Variants in PRIMPOL observed in about 807,000 individuals in gnomAD.
PRIMPOL encodes the protein primase and DNA directed polymerase.
PRIMPOL carries 54 observed loss-of-function variants against 63.6 expected under a neutral mutation model. The observed-to-expected ratio is 0.85, with a 90% CI of 0.68 to 1.07. The LOEUF (loss-of-function observed/expected upper bound fraction) is 1.07, where lower values mean the gene tolerates loss of function less well. Ranked by LOEUF, PRIMPOL falls within the 50% of genes least tolerant of loss-of-function variation. The pLI, the probability that PRIMPOL is intolerant of heterozygous loss-of-function variation, is 0.00. For synonymous variants in PRIMPOL, 197 were observed against 220.2 expected (o/e 0.89, Z 0.93); for missense variants, 610 against 648.3 (o/e 0.94, Z 0.64).
intron 5 of PRIMPOL, 78 bp downstream of exon 5, chr4:184,661,981 T>G: frequency 1.5e-6 from 2 of 1,326,582 alleles, no homozygotes; most frequent in South Asian, 2.8e-5. Flanking sequence ...TCAGCCTACA[T>G]AATAGTAGGT....
chr4:184,690,438 G>T (rs11132254), intron 11 of PRIMPOL, among the ~76,000 whole-genome samples: 53,966 of 151,748 alleles, frequency 0.36, 10,109 homozygotes, highest in East Asian at 0.7. Context: ...CTTTATGACT[G>T]CCTGCCTTTT....
At chr4:184,657,886 C>G (rs1198119304) in intron 3 of PRIMPOL, among the ~76,000 whole-genome samples, 2 of 152,006 alleles carry the variant, frequency 1.3e-5, no homozygotes, top group African/African-American at 4.8e-5. Context: ...CCAGCTACTC[C>G]CAAGGCTGAG....
intron 6 of PRIMPOL, among the ~76,000 whole-genome samples, chr4:184,670,572 A>G (rs1038973534): frequency 6.8e-6 from 1 of 147,492 alleles, no homozygotes; most frequent in African/African-American, 2.5e-5. Flanking sequence ...TTGTGAGACA[A>G]GAGTCTCACT....
Position 184,679,673 on chromosome 4 carries a change from A to G in PRIMPOL, c.1007+1279A>G, listed in dbSNP as rs542514280. On this transcript the variant is annotated intron_variant, in intron 8 of 13. Coordinates refer to ENST00000314970, the MANE Select transcript of PRIMPOL (RefSeq NM_152683.4). ...TGTGGTGGGAACTGGACCCCACAGC[A>G]GGAGGTGAGCAGTAGGCGAGCGAGC... Among the ~76,000 whole-genome samples, 805 of 152,284 alleles carry G rather than the reference A, an allele frequency of 5.3e-3. 7 individuals carry two copies. The highest frequency in any genetic ancestry group is 5.4e-3 in the Non-Finnish European group (365 of 68,006).
At position 184,659,410 on chromosome 4, in the gene PRIMPOL, C is replaced by A. The variant is rs780098430; in HGVS notation, c.251C>A (p.Ala84Asp). ...GQRIYLVTTYAEFWFYYKSRK... is the reference protein window; with the variant it reads ...GQRIYLVTTYDEFWFYYKSRK... ...CGTATTTACCTTGTGACAACCTATG[C>A]TGAATTTTGGTTTTACTATAAATCC... is the stretch of plus-strand genomic sequence containing the variant. The change falls in exon 4 of 14, where the codon GCT becomes GAT. Residue 84 changes from alanine to aspartate, a missense_variant. Ala to Asp is a moderately radical substitution (Grantham distance 126). Around this residue, in one of 3 missense-constraint regions of PRIMPOL, gnomAD observed 159 missense variants for 168.9 expected, o/e 0.94. Coordinates refer to ENST00000314970, the MANE Select transcript of PRIMPOL (RefSeq NM_152683.4). The A allele has an allele frequency of 2.5e-6, 4 of 1,613,458 alleles. No homozygotes were observed. In the South Asian group the frequency reaches 4.4e-5, roughly 18 times the overall value.
intron 8 of PRIMPOL, among the ~76,000 whole-genome samples, chr4:184,679,444 A>T (rs1755008627): frequency 6.6e-6 from 1 of 152,232 alleles, no homozygotes; most frequent in Non-Finnish European, 1.5e-5. Context: ...TGACAGGGTG[A>T]GACCCCATTG....
intron 11 of PRIMPOL, among the ~76,000 whole-genome samples, chr4:184,690,864 T>G (rs1758335584): frequency 6.6e-6 from 1 of 152,234 alleles, no homozygotes; most frequent in Non-Finnish European, 1.5e-5. Flanking sequence ...ATTTCCACTA[T>G]TTTTCCTTGA....
At chr4:184,678,620 C>T (rs539758872) in intron 8 of PRIMPOL, among the ~76,000 whole-genome samples, 6 of 151,344 alleles carry the variant, frequency 4.0e-5, no homozygotes, top group South Asian at 2.1e-4. Flanking sequence ...CTCTGCCTCC[C>T]GGGTTCATGC....
At chr4:184,694,386 CA>C in intron 13 of PRIMPOL, 135 bp from the exon 14 acceptor site, 1 of 1,418,968 alleles carries the variant, frequency 7.0e-7, no homozygotes, top group African/African-American at 1.4e-5. Flanking sequence ...ATATCGGAGA[CA>C]GCATTCCTCC....
intron 6 of PRIMPOL, among the ~76,000 whole-genome samples, chr4:184,671,855 A>G (rs111667591): frequency 0.13 from 19,185 of 144,658 alleles, 1,305 homozygotes; most frequent in Middle Eastern, 0.19. Flanking sequence ...CCATTCGCCC[A>G]CCTCAGCCTC....
Position 184,691,692 on chromosome 4 carries a change from C to T in PRIMPOL, c.1405C>T (p.Leu469Phe), listed in dbSNP as rs1482345099. 1 of 1,612,168 alleles carries T rather than the reference C, an allele frequency of 6.2e-7. No homozygotes were observed. Among genetic ancestry groups the T allele is most frequent in the Admixed American group, 1.7e-5 (1 of 59,984 alleles). ...DCFPLPAEVCLLFLFKEEEEF... is the reference protein window; with the variant it reads ...DCFPLPAEVCFLFLFKEEEEF... ...TTTCCCATTACCTGCTGAAGTATGT[C>T]TCCTGTTTCTTTTCAAAGAGGTAAG... Residue 469 changes from leucine (L) to phenylalanine (F), a missense_variant, in exon 13 of 14, where the codon CTC becomes TTC. By Grantham distance (22) the Leu-to-Phe change is conservative. This residue lies in a region of PRIMPOL where 444 missense variants were observed against 456.4 expected (regional missense o/e 0.97). Coordinates refer to ENST00000314970, the MANE Select transcript of PRIMPOL (RefSeq NM_152683.4).
At chr4:184,665,799 C>T in intron 5 of PRIMPOL, 118 bp from the exon 6 acceptor site, 1 of 625,752 alleles carries the variant, frequency 1.6e-6, no homozygotes, top group Non-Finnish European at 2.5e-6. Flanking sequence ...GCCACCACGC[C>T]TGATCAGAAA....
Position 184,657,220 on chromosome 4 carries a change from T to C in PRIMPOL, c.80T>C (p.Val27Ala). 2 of 1,613,906 alleles carry C rather than the reference T, an allele frequency of 1.2e-6. No individual in the cohort carries two copies. The highest frequency in any genetic ancestry group is 1.7e-6 in the Non-Finnish European group (2 of 1,179,900). ...TATGAGAGGAAACCGTTGTCCTCAG[T>C]GTATAGACCAAGATTGTCCAAGCCA... The part of the protein sequence containing the change: ...SHYERKPLSS[V>A]YRPRLSKPEE... Residue 27 changes from valine to alanine, a missense_variant, in exon 3 of 14, where the codon GTG becomes GCG. Physicochemically the swap from Val to Ala is moderately conservative, Grantham distance 64. This residue lies in a region of PRIMPOL where 159 missense variants were observed against 168.9 expected (regional missense o/e 0.94). Coordinates refer to ENST00000314970, the MANE Select transcript of PRIMPOL (RefSeq NM_152683.4).
At chr4:184,664,531 T>C (rs553664616) in intron 5 of PRIMPOL, among the ~76,000 whole-genome samples, 3 of 152,356 alleles carry the variant, frequency 2.0e-5, no homozygotes, top group African/African-American at 7.2e-5. Context: ...TGTTGCCTTC[T>C]TCCATTGTCC....
At chr4:184,665,754 C>T (rs1749703847) in intron 5 of PRIMPOL, among the ~76,000 whole-genome samples, 163 bp from the exon 6 acceptor site, 1 of 152,022 alleles carries the variant, frequency 6.6e-6, no homozygotes, top group South Asian at 2.1e-4. Context: ...ATCTGCCCGC[C>T]TTGGCCTCCC....
chr4:184,669,828 A>G (rs72689265), intron 6 of PRIMPOL, among the ~76,000 whole-genome samples: 19,860 of 152,162 alleles, frequency 0.13, 1,396 homozygotes, highest in Middle Eastern at 0.17. Context: ...CCTTTCCCCT[A>G]GAATTAGGAG....
chr4:184,665,443 C>T (rs1262503375), intron 5 of PRIMPOL, among the ~76,000 whole-genome samples: 2 of 151,198 alleles, frequency 1.3e-5, no homozygotes, highest in African/African-American at 4.9e-5. Flanking sequence ...TGGAGTCAGG[C>T]TCAATATGAA....
At chr4:184,655,951 A>C (rs1242977546) in intron 2 of PRIMPOL, among the ~76,000 whole-genome samples, 1 of 152,032 alleles carries the variant, frequency 6.6e-6, no homozygotes, top group Non-Finnish European at 1.5e-5. Context: ...AAAACAACCA[A>C]ATTTATTTTT....
At chr4:184,684,399 T>C (rs556723688) in intron 9 of PRIMPOL, among the ~76,000 whole-genome samples, 2 of 150,914 alleles carry the variant, frequency 1.3e-5, no homozygotes, top group African/African-American at 4.9e-5. Flanking sequence ...GAGCTTGCAG[T>C]GAGCCGAGAT....
Sources: allele counts gnomAD v4.1 joint callset (sites outside exome capture counted in the v4.1 genomes callset), GRCh38; gene constraint gnomAD v4.1.1; regional missense constraint gnomAD v4.1.1; transcripts MANE v1.5; gene names NCBI Gene and HGNC (gene_info 2026-07-23, HGNC 2026-07-21).